Variants in DNAJC6 observed in about 807,000 individuals in gnomAD.
DNAJC6 encodes DnaJ heat shock protein family (Hsp40) member C6.
A neutral mutation model predicts 110.0 loss-of-function variants in DNAJC6; 34 were observed. The observed-to-expected ratio is 0.31, with a 90% confidence interval of 0.24 to 0.41. The LOEUF (loss-of-function observed/expected upper bound fraction) is 0.41, where lower values mean the gene tolerates loss of function less well. Among genes scored for constraint, DNAJC6 ranks in the 10% least tolerant of loss-of-function variants. The pLI is 1.00. For missense variants in DNAJC6, 1,031 were observed against 1,207.8 expected (o/e 0.85, Z 2.17); for synonymous variants, 406 against 437.2 (o/e 0.93, Z 0.89).
chr1:65,310,013 C>G (rs1488009289), intron 1 of DNAJC6, 75 bp downstream of exon 1: 5 of 1,363,786 alleles, frequency 3.7e-6, no homozygotes, highest in Non-Finnish European at 4.7e-6. Flanking sequence ...CGGCCCGAGG[C>G]CCCCCCGTGG....
intron 9 of DNAJC6, among the ~76,000 whole-genome samples, chr1:65,389,045 A>G (rs1457656076): frequency 6.6e-6 from 1 of 152,188 alleles, no homozygotes; most frequent in Non-Finnish European, 1.5e-5. Flanking sequence ...TAGCATTCAA[A>G]TTTGTTGAGC....
intron 13 of DNAJC6, among the ~76,000 whole-genome samples, chr1:65,395,916 G>C (rs1645972539): frequency 6.6e-6 from 1 of 152,186 alleles, no homozygotes; most frequent in Non-Finnish European, 1.5e-5. Flanking sequence ...GAGAGTTGTA[G>C]CTCATTCCTG....
chr1:65,275,491 CTGT>C (rs1352874525), intron 1 of DNAJC6, among the ~76,000 whole-genome samples: 2 of 152,164 alleles, frequency 1.3e-5, no homozygotes, highest in Non-Finnish European at 2.9e-5. Context: ...TTTTCTTCGG[CTGT>C]TGTTAAGACT....
chr1:65,375,273 A>C (rs1389122226), intron 4 of DNAJC6, among the ~76,000 whole-genome samples: 1 of 151,890 alleles, frequency 6.6e-6, no homozygotes, highest in African/African-American at 2.4e-5. Flanking sequence ...CCTCATGAGG[A>C]TTTTTATCAT....
rs1239807551 is a variant in DNAJC6, at chr1:65,398,958, C to T, written c.2107+77C>T. Reference sequence around the variant, plus strand: ...CCTTACCCAAGATGAAGTGAGTACTCACAGAGTATTGTGGCCTACCTGTGT... The same window carrying T: ...CCTTACCCAAGATGAAGTGAGTACTTACAGAGTATTGTGGCCTACCTGTGT... On this transcript the variant is annotated intron_variant, in intron 14 of 18. Transcript: ENST00000371069. 4.8e-6 allele frequency: 7 copies of T among 1,450,682 alleles called. No homozygotes were observed. The East Asian group carries it at 1.4e-4, about 29-fold the overall frequency. 89.9% of individuals were successfully genotyped at this position (1,450,682 alleles called of 1,614,324 possible).
chr1:65,288,097 G>T (rs1468918450), intron 1 of DNAJC6, among the ~76,000 whole-genome samples: 2 of 152,162 alleles, frequency 1.3e-5, no homozygotes, highest in Non-Finnish European at 2.9e-5. Context: ...CTAGTCTTCT[G>T]TTGGGGTTGG....
At chr1:65,312,345 G>C (rs1645109156) in intron 1 of DNAJC6, among the ~76,000 whole-genome samples, 1 of 152,192 alleles carries the variant, frequency 6.6e-6, no homozygotes, top group Admixed American at 6.5e-5. Context: ...TGGACTCTGA[G>C]AGTAGGATTC....
At chr1:65,379,122 A>G (rs1414580160) in intron 4 of DNAJC6, among the ~76,000 whole-genome samples, 3 of 152,256 alleles carry the variant, frequency 2.0e-5, no homozygotes, top group African/African-American at 7.2e-5. Context: ...ACCTCACAGA[A>G]TAGAAAAAAA....
intron 1 of DNAJC6, among the ~76,000 whole-genome samples, chr1:65,312,176 A>C (rs1006272914): frequency 1.3e-5 from 2 of 152,206 alleles, no homozygotes; most frequent in African/African-American, 4.8e-5. Context: ...TTGTGTGAAG[A>C]GGCTGCAGGG....
chr1:65,372,535 A>G (rs967334054), intron 4 of DNAJC6, among the ~76,000 whole-genome samples: 1 of 152,196 alleles, frequency 6.6e-6, no homozygotes, highest in African/African-American at 2.4e-5. Context: ...TTTATTCAGT[A>G]CAGCTTGACC....
At chr1:65,364,509 C>G (rs1015864658) in intron 1 of DNAJC6, 126 bp from the exon 2 acceptor site, 7 of 1,146,498 alleles carry the variant, frequency 6.1e-6, no homozygotes, top group Non-Finnish European at 8.4e-6. Flanking sequence ...ACACAATTTC[C>G]AGGAATATCT....
At chr1:65,361,415 G>T (rs1393442865) in intron 1 of DNAJC6, among the ~76,000 whole-genome samples, 1 of 152,144 alleles carries the variant, frequency 6.6e-6, no homozygotes, top group African/African-American at 2.4e-5. Context: ...AGATCAGGAT[G>T]GAAGAACATG....
At position 65,332,370 on chromosome 1, in the gene DNAJC6, C is replaced by T. The variant is rs1047206319; in HGVS notation, c.193+22432C>T. 2.0e-5 allele frequency among the ~76,000 whole-genome samples: 3 copies of T among 152,198 alleles called. No homozygotes were observed. In the South Asian group the frequency reaches 6.2e-4, roughly 32 times the overall value. Reference sequence around the variant, plus strand: ...GGAGGATGAAAAGGAATCAATTATGCAAAGAGCCAGGTAGAGGTTTCTTAG... The same window carrying T: ...GGAGGATGAAAAGGAATCAATTATGTAAAGAGCCAGGTAGAGGTTTCTTAG... On this transcript the variant is annotated intron_variant, in intron 1 of 18. Coordinates refer to ENST00000371069, the MANE Select transcript of DNAJC6 (RefSeq NM_001256864.2).
At chr1:65,386,743 A>C in intron 7 of DNAJC6, 69 bp from the exon 8 acceptor site, 126 of 1,323,010 alleles carry the variant, frequency 9.5e-5, no homozygotes, top group Non-Finnish European at 1.3e-4. Context: ...ATAGAGAACT[A>C]TACCTGTGTC....
rs2274436 is a variant in DNAJC6, at chr1:65,408,392, T to C, written c.2492-249T>C. Among the ~76,000 whole-genome samples, 81 of 152,256 alleles carry C rather than the reference T, an allele frequency of 5.3e-4. No individual in the cohort carries two copies. In the East Asian group the frequency reaches 0.015, roughly 29 times the overall value. On this transcript the variant is annotated intron_variant, in intron 16 of 18. Coordinates refer to ENST00000371069, the MANE Select transcript of DNAJC6 (RefSeq NM_001256864.2). Reference sequence around the variant, plus strand: ...AGAGAAGGTACAGTGGAAATGGAATTGGATTTGGCTTCATGATCCAGCCTC... The same window carrying C: ...AGAGAAGGTACAGTGGAAATGGAATCGGATTTGGCTTCATGATCCAGCCTC...
intron 4 of DNAJC6, among the ~76,000 whole-genome samples, chr1:65,369,452 C>T (rs1376696291): frequency 6.6e-6 from 1 of 152,130 alleles, no homozygotes; most frequent in Non-Finnish European, 1.5e-5. Flanking sequence ...TTTCTTACTC[C>T]TTCCGGTTCT....
chr1:65,280,141 A>G (rs886090090), intron 1 of DNAJC6, among the ~76,000 whole-genome samples: 1 of 152,358 alleles, frequency 6.6e-6, no homozygotes, highest in Middle Eastern at 3.4e-3. Context: ...TACTCAGTGT[A>G]ACATAATTTA....
At chr1:65,315,164 G>A (rs1027355201) in intron 1 of DNAJC6, among the ~76,000 whole-genome samples, 1 of 152,116 alleles carries the variant, frequency 6.6e-6, no homozygotes, top group Non-Finnish European at 1.5e-5. Flanking sequence ...TTGAGAACAG[G>A]TACTAATTCT....
chr1:65,405,855 T>C lies in DNAJC6; in HGVS notation c.2228-15T>C. The C allele has an allele frequency of 6.3e-7, 1 of 1,575,996 alleles. No homozygotes were observed. The highest frequency in any genetic ancestry group is 8.6e-7 in the Non-Finnish European group (1 of 1,160,684). ...TCAAAATAGTTTTACCTTCTTTATC[T>C]CTTTTTTTCTTTAGGTAGTTCTTCC... On this transcript the variant is annotated splice_polypyrimidine_tract_variant and intron_variant, in intron 15 of 18. Transcript: ENST00000371069.
Sources: allele counts gnomAD v4.1 joint callset (sites outside exome capture counted in the v4.1 genomes callset), GRCh38; gene constraint gnomAD v4.1.1; transcripts MANE v1.5; gene names NCBI Gene and HGNC (gene_info 2026-07-23, HGNC 2026-07-21).